Variants in ATRNL1 observed in about 807,000 individuals in gnomAD.
ATRNL1 encodes attractin like 1.
ATRNL1 carries 95 observed loss-of-function variants against 182.7 expected under a neutral mutation model. That is an observed-to-expected ratio of 0.52 (90% CI 0.44 to 0.62). The LOEUF (loss-of-function observed/expected upper bound fraction) is 0.62, where lower values mean the gene tolerates loss of function less well. ATRNL1 is among the 20% of genes least tolerant of loss of function. The pLI is 0.00. For missense variants in ATRNL1, 1,471 were observed against 1,679.5 expected, an observed-to-expected ratio of 0.88 and a Z score of 2.17; for synonymous variants, 576 against 568.3, an observed-to-expected ratio of 1.01 and a Z score of -0.19.
chr10:115,737,814 G>A (rs1555066421), intron 27 of ATRNL1, among the ~76,000 whole-genome samples: 2 of 152,126 alleles, frequency 1.3e-5, no homozygotes, highest in African/African-American at 2.4e-5. Context: ...TCCAGGTATA[G>A]TCTTTTAGGA....
chr10:115,676,238 T>C (rs1340967805), intron 26 of ATRNL1, among the ~76,000 whole-genome samples: 3 of 152,046 alleles, frequency 2.0e-5, no homozygotes, highest in African/African-American at 7.2e-5. Flanking sequence ...GAAAGCAAGT[T>C]TCTCAGTAAT....
intron 27 of ATRNL1, among the ~76,000 whole-genome samples, chr10:115,829,250 A>G (rs1429259991): frequency 6.6e-6 from 1 of 152,212 alleles, no homozygotes; most frequent in African/African-American, 2.4e-5. Flanking sequence ...TAGGAAAAGA[A>G]AAGGGAAATT....
intron 28 of ATRNL1, among the ~76,000 whole-genome samples, chr10:115,920,461 A>G (rs1436744994): frequency 5.9e-5 from 9 of 152,222 alleles, no homozygotes; most frequent in African/African-American, 1.9e-4. Context: ...GAAGACTGTA[A>G]TTCTGAGACA....
intron 5 of ATRNL1, among the ~76,000 whole-genome samples, chr10:115,151,817 G>A (rs560246206): frequency 6.6e-6 from 1 of 152,178 alleles, no homozygotes; most frequent in South Asian, 2.1e-4. Flanking sequence ...GTATTGCCTA[G>A]GTTTTCTTCT....
intron 24 of ATRNL1, among the ~76,000 whole-genome samples, chr10:115,493,539 G>A (rs1323040942): frequency 6.6e-6 from 1 of 151,988 alleles, no homozygotes; most frequent in Non-Finnish European, 1.5e-5. Context: ...GGTTTATTAT[G>A]TGTCTTTTCT....
At chr10:115,825,545 G>A (rs184046999) in intron 27 of ATRNL1, among the ~76,000 whole-genome samples, 56 of 151,782 alleles carry the variant, frequency 3.7e-4, no homozygotes, top group African/African-American at 1.2e-3. Flanking sequence ...ATGGCATCTC[G>A]TTACCTAAAA....
chr10:115,357,264 A>G (rs1239604112), intron 19 of ATRNL1, among the ~76,000 whole-genome samples: 1 of 151,922 alleles, frequency 6.6e-6, no homozygotes, highest in African/African-American at 2.4e-5. Flanking sequence ...TAATACGTAT[A>G]AAACATTTAT....
At chr10:115,134,650 A>C (rs1261554347) in intron 5 of ATRNL1, among the ~76,000 whole-genome samples, 1 of 152,218 alleles carries the variant, frequency 6.6e-6, no homozygotes, top group Non-Finnish European at 1.5e-5. Flanking sequence ...ATTTCAATCA[A>C]TAGAAAAAGA....
intron 26 of ATRNL1, among the ~76,000 whole-genome samples, chr10:115,663,595 A>G (rs1326866715): frequency 6.6e-6 from 1 of 152,058 alleles, no homozygotes. Flanking sequence ...ACATTATCAT[A>G]TAATAGTATA....
At chr10:115,690,074 A>T (rs537708631) in intron 26 of ATRNL1, among the ~76,000 whole-genome samples, 1 of 152,236 alleles carries the variant, frequency 6.6e-6, no homozygotes, top group African/African-American at 2.4e-5. Flanking sequence ...AATTTGCACT[A>T]CTGCTGGAGA....
At chr10:115,779,416 G>A (rs1423078226) in intron 27 of ATRNL1, among the ~76,000 whole-genome samples, 1 of 152,142 alleles carries the variant, frequency 6.6e-6, no homozygotes, top group Non-Finnish European at 1.5e-5. Flanking sequence ...CTAGGTCTGA[G>A]GGAGTTAATA....
At chr10:115,801,660 A>G (rs1260683764) in intron 27 of ATRNL1, among the ~76,000 whole-genome samples, 3 of 152,148 alleles carry the variant, frequency 2.0e-5, no homozygotes, top group Admixed American at 1.3e-4. Context: ...CAACATTAAC[A>G]TGACTTTACT....
At chr10:115,605,816 AAATAAT>A (rs565908057) in intron 26 of ATRNL1, among the ~76,000 whole-genome samples, 5 of 151,452 alleles carry the variant, frequency 3.3e-5, no homozygotes, top group Middle Eastern at 3.4e-3. Flanking sequence ...ATCAGTCTAC[AAATAAT>A]AATAATAATA....
intron 26 of ATRNL1, among the ~76,000 whole-genome samples, chr10:115,614,751 T>C (rs1857347079): frequency 6.6e-6 from 1 of 152,108 alleles, no homozygotes; most frequent in East Asian, 1.9e-4. Context: ...CTTGCCAAAC[T>C]GATCTGTGTA....
At chr10:115,541,910 A>G (rs966833765) in intron 25 of ATRNL1, among the ~76,000 whole-genome samples, 5 of 152,300 alleles carry the variant, frequency 3.3e-5, no homozygotes, top group South Asian at 2.1e-4. Flanking sequence ...TGAGCTATAT[A>G]CTTAGGGTTT....
chr10:115,240,046 G>A (rs1564843756), intron 9 of ATRNL1, among the ~76,000 whole-genome samples: 1 of 152,072 alleles, frequency 6.6e-6, no homozygotes, highest in East Asian at 1.9e-4. Context: ...CAGGCGTGAG[G>A]GGGTTGGGGT....
At chr10:115,388,320 G>A (rs1237504063) in intron 19 of ATRNL1, among the ~76,000 whole-genome samples, 1 of 152,068 alleles carries the variant, frequency 6.6e-6, no homozygotes, top group Non-Finnish European at 1.5e-5. Flanking sequence ...TTTGTTATTT[G>A]TCACTGAAAT....
At chr10:115,243,588 C>G (rs776775400) in intron 10 of ATRNL1, among the ~76,000 whole-genome samples, 4 of 151,994 alleles carry the variant, frequency 2.6e-5, no homozygotes, top group African/African-American at 4.8e-5. Flanking sequence ...TTGTGGTAGT[C>G]TTTCTATTTG....
chr10:115,285,455 T>A (rs2133936173), intron 14 of ATRNL1, among the ~76,000 whole-genome samples: 1 of 152,222 alleles, frequency 6.6e-6, no homozygotes, highest in South Asian at 2.1e-4. Flanking sequence ...TAAAATGTAA[T>A]CTAACTTTAT....
Sources: gnomAD v4.1 joint callset for allele counts (sites outside exome capture counted in the v4.1 genomes callset) on GRCh38, gnomAD v4.1.1 for gene constraint, MANE v1.5 for transcripts, NCBI Gene and HGNC (gene_info 2026-07-23, HGNC 2026-07-21) for gene names.